Variants in ZC3H12C observed in about 807,000 individuals in gnomAD.
ZC3H12C encodes the protein zinc finger CCCH-type containing 12C.
In ZC3H12C, 20 loss-of-function variants were observed where a neutral mutation model predicts 76.3. That is an observed-to-expected ratio of 0.26 (90% CI 0.18 to 0.38). ZC3H12C has a LOEUF of 0.38. Among genes scored for constraint, ZC3H12C ranks in the 10% least tolerant of loss-of-function variants. ZC3H12C has a pLI of 1.00. For missense variants in ZC3H12C, 874 were observed against 1,086.5 expected (o/e 0.80, Z 2.75); for synonymous variants, 352 against 399.6 (o/e 0.88, Z 1.42).
intron 1 of ZC3H12C, among the ~76,000 whole-genome samples, chr11:110,098,255 T>C (rs553272167): frequency 6.6e-6 from 1 of 152,012 alleles, no homozygotes; most frequent in East Asian, 1.9e-4. Flanking sequence ...AAGTAAAAAA[T>C]TTTCTAGATA....
At position 110,165,680 on chromosome 11, in the gene ZC3H12C, A is replaced by G; in HGVS notation, c.2595A>G (p.Thr865=). 6.3e-7 allele frequency: 1 copy of G among 1,597,794 alleles called. No homozygotes were observed. Reference sequence around the variant, plus strand: ...TCATGAAAAGGAATCCTCACATGACAGACGCCCAGCAGCTCGCCGCAGCCA... The same window carrying G: ...TCATGAAAAGGAATCCTCACATGACGGACGCCCAGCAGCTCGCCGCAGCCA... ...RIVMKRNPHM[T]DAQQLAAAIL... is the part of the protein sequence containing the mutation. The change falls in exon 6 of 6, where the codon ACA becomes ACG. Residue 865 remains threonine (T), a synonymous_variant. Transcript: ENST00000278590.
chr11:110,138,757 C>T (rs1319437431), intron 2 of ZC3H12C, among the ~76,000 whole-genome samples: 1 of 152,034 alleles, frequency 6.6e-6, no homozygotes, highest in Non-Finnish European at 1.5e-5. Context: ...CTGGGTTTTA[C>T]CATGTTGGCC....
chr11:110,171,567 A>C lies in ZC3H12C; in HGVS notation c.*5830A>C, dbSNP rs1392328934. On this transcript the variant is annotated 3_prime_UTR_variant, in exon 6 of 6. Transcript: ENST00000278590. Reference sequence around the variant, plus strand: ...TTAGACCTACTGGAAATCTGTATCGAAACAGCTATGTGATTCTGCCACTGA... The same window carrying C: ...TTAGACCTACTGGAAATCTGTATCGCAACAGCTATGTGATTCTGCCACTGA... The C allele has an allele frequency of 6.6e-6, 1 of 152,268 alleles. No homozygotes were observed. The highest frequency in any genetic ancestry group is 1.9e-4 in the East Asian group (1 of 5,206). 9.4% of individuals were successfully genotyped at this position (152,268 alleles called of 1,614,324 possible). A position where few individuals can be genotyped will look rare whatever the true frequency, so the allele number is the denominator to read the frequency against.
At chr11:110,144,523 C>G (rs1245784529) in intron 2 of ZC3H12C, among the ~76,000 whole-genome samples, 3 of 152,146 alleles carry the variant, frequency 2.0e-5, no homozygotes, top group African/African-American at 7.2e-5. Flanking sequence ...AGAGCCATCT[C>G]TATTTGGAGT....
chr11:110,137,204 C>T lies in ZC3H12C; in HGVS notation c.563C>T (p.Thr188Ile). Residue 188 changes from threonine (T) to isoleucine (I), a missense_variant, in exon 2 of 6, where the codon ACT (threonine) becomes ATT (isoleucine). Thr to Ile is a moderately conservative substitution (Grantham distance 89). Around this residue, in one of 3 missense-constraint regions of ZC3H12C, gnomAD observed 210 missense variants for 227.1 expected, o/e 0.92. Coordinates refer to ENST00000278590, the MANE Select transcript of ZC3H12C (RefSeq NM_033390.2). ...QVQLVLNKLGTDALINDILGE... is the reference protein window; with the variant it reads ...QVQLVLNKLGIDALINDILGE... ...CAGCTTGTACTAAACAAACTTGGTA[C>T]TGATGCTTTAATCAATGATATTTTG... 1 of 1,613,912 alleles carries T rather than the reference C, an allele frequency of 6.2e-7. No individual in the cohort carries two copies. Among genetic ancestry groups the T allele is most frequent in the African/African-American group, 1.3e-5 (1 of 75,046 alleles).
chr11:110,159,502 C>T lies in ZC3H12C; in HGVS notation c.1148+12C>T. On this transcript the variant is annotated intron_variant, in intron 4 of 5. Transcript: ENST00000278590. Reference sequence around the variant, plus strand: ...TTTGTCAATGACAAGTAAGTAAAACCATTTACTTGCCAATGATACTGCTTC... The same window carrying T: ...TTTGTCAATGACAAGTAAGTAAAACTATTTACTTGCCAATGATACTGCTTC... 1 of 1,550,782 alleles carries T rather than the reference C, an allele frequency of 6.4e-7. No homozygotes were observed. The highest frequency in any genetic ancestry group is 1.9e-4 in the Middle Eastern group (1 of 5,284).
In ZC3H12C at chr11:110,165,674, CAT is replaced by C. The variant is rs1341918017; in HGVS notation, c.2590_2591del (p.Met864AspfsTer57). The part of the protein sequence containing the change: ...VRIVMKRNPH[M>X]TDAQQLAAAI... ...GAATTGTCATGAAAAGGAATCCTCA[CAT>C]GACAGACGCCCAGCAGCTCGCCGCA... On this transcript the variant is annotated frameshift_variant, in exon 6 of 6. Coordinates refer to ENST00000278590, the MANE Select transcript of ZC3H12C (RefSeq NM_033390.2). LOFTEE classifies it high-confidence loss of function. 6.3e-7 allele frequency: 1 copy of C among 1,597,878 alleles called. No homozygotes were observed. The highest frequency in any genetic ancestry group is 8.5e-7 in the Non-Finnish European group (1 of 1,171,690).
At chr11:110,155,304 A>T (rs1186141543) in intron 3 of ZC3H12C, among the ~76,000 whole-genome samples, 2 of 152,058 alleles carry the variant, frequency 1.3e-5, no homozygotes, top group Non-Finnish European at 2.9e-5. Flanking sequence ...ATCTCAAAAA[A>T]AAAAAAAAAT....
At chr11:110,156,137 T>C (rs1216372378) in intron 3 of ZC3H12C, among the ~76,000 whole-genome samples, 1 of 18,140 alleles carries the variant, frequency 5.5e-5, no homozygotes, top group African/African-American at 1.0e-4. Flanking sequence ...ATATTTTATA[T>C]ATATAAATAT....
intron 2 of ZC3H12C, among the ~76,000 whole-genome samples, chr11:110,137,896 T>G (rs1861999393): frequency 6.6e-6 from 1 of 152,132 alleles, no homozygotes; most frequent in Non-Finnish European, 1.5e-5. Context: ...TGTTTTCATT[T>G]AAGAAATTCA....
rs1260791513 is a variant in ZC3H12C at position 110,152,973 on chromosome 11, G to A, written c.828G>A (p.Trp276Ter). The change falls in exon 3 of 6, where the codon TGG becomes TGA. Residue 276 changes from tryptophan to a stop codon, truncating the protein, a stop_gained. Coordinates refer to ENST00000278590, the MANE Select transcript of ZC3H12C (RefSeq NM_033390.2). LOFTEE classifies it high-confidence loss of function. ...SCRGIKLAVD[W>*]FLERGHKDIT... ...GAGGAATAAAATTGGCAGTGGATTG[G>A]TTTTTGGAAAGAGGCCACAAAGACA... The A allele has an allele frequency of 6.2e-7, 1 of 1,612,366 alleles. No homozygotes were observed. The highest frequency in any genetic ancestry group is 8.5e-7 in the Non-Finnish European group (1 of 1,179,164).
chr11:110,149,190 TCA>T (rs370404553), intron 2 of ZC3H12C, among the ~76,000 whole-genome samples: 230 of 152,304 alleles, frequency 1.5e-3, no homozygotes, highest in African/African-American at 5.3e-3. Flanking sequence ...TAGAGATTTC[TCA>T]GTTAGCATTC....
intron 2 of ZC3H12C, among the ~76,000 whole-genome samples, chr11:110,140,713 T>G (rs1370650836): frequency 6.6e-6 from 1 of 152,218 alleles, no homozygotes; most frequent in Non-Finnish European, 1.5e-5. Flanking sequence ...GTAGGCCTTA[T>G]TTTTGCATGT....
chr11:110,163,753 A>G (rs1173183022), intron 5 of ZC3H12C, among the ~76,000 whole-genome samples: 2 of 152,146 alleles, frequency 1.3e-5, no homozygotes, highest in Non-Finnish European at 2.9e-5. Flanking sequence ...ATAAAGTCCT[A>G]CTGGAAGACA....
chr11:110,128,348 G>T (rs955297700), intron 1 of ZC3H12C, among the ~76,000 whole-genome samples: 4 of 152,044 alleles, frequency 2.6e-5, no homozygotes, highest in African/African-American at 9.7e-5. Context: ...ACCACAGCAG[G>T]ATCTGATTAG....
chr11:110,096,878 A>G (rs931009402), intron 1 of ZC3H12C, among the ~76,000 whole-genome samples: 5 of 152,212 alleles, frequency 3.3e-5, no homozygotes, highest in African/African-American at 1.2e-4. Context: ...AGACAAATCA[A>G]AAGACTCCAG....
chr11:110,097,902 TAAAC>T (rs1307583246), intron 1 of ZC3H12C, among the ~76,000 whole-genome samples: 1 of 152,214 alleles, frequency 6.6e-6, no homozygotes, highest in African/African-American at 2.4e-5. Flanking sequence ...GGTGCTGGTG[TAAAC>T]AAACCTACAG....
chr11:110,148,518 A>G (rs891734762), intron 2 of ZC3H12C, among the ~76,000 whole-genome samples: 5 of 152,194 alleles, frequency 3.3e-5, no homozygotes, highest in Non-Finnish European at 5.9e-5. Flanking sequence ...CCACTCAGCC[A>G]AAGTAGTCAG....
chr11:110,098,466 T>C (rs1861154164), intron 1 of ZC3H12C, among the ~76,000 whole-genome samples: 2 of 152,192 alleles, frequency 1.3e-5, no homozygotes, highest in Admixed American at 1.3e-4. Flanking sequence ...GTAGCCTAAG[T>C]GTAGAGTGTT....
Sources: gnomAD v4.1 joint callset for allele counts (sites outside exome capture counted in the v4.1 genomes callset) on GRCh38, gnomAD v4.1.1 for gene constraint, gnomAD v4.1.1 regional missense constraint, MANE v1.5 for transcripts, NCBI Gene and HGNC (gene_info 2026-07-23, HGNC 2026-07-21) for gene names.